The following LSAMP variants were observed in gnomAD, a reference collection of about 807,000 sequenced individuals.
The protein encoded by LSAMP is limbic system associated membrane protein, also known as limbic system-associated membrane protein.
In LSAMP, 7 loss-of-function variants were observed where a neutral mutation model predicts 38.6. That is an observed-to-expected ratio of 0.18 (90% CI 0.10 to 0.34). LSAMP has a LOEUF of 0.34. Ranked by LOEUF, LSAMP falls within the 10% of genes least tolerant of loss-of-function variation. The pLI, the probability that LSAMP is intolerant of heterozygous loss-of-function variation, is 1.00. For missense variants in LSAMP, 313 were observed against 420.0 expected (o/e 0.75, Z 2.23); for synonymous variants, 154 against 166.8 (o/e 0.92, Z 0.59).
chr3:116,055,962 CT>C (rs34884258), intron 2 of LSAMP, among the ~76,000 whole-genome samples: 19,157 of 151,162 alleles, frequency 0.13, 1,316 homozygotes, highest in Non-Finnish European at 0.15. Context: ...AGGATCCCTG[CT>C]TTTTTTTTCC....
At chr3:116,248,477 ATGTGTGTGTGTGTG>A (rs3028670) in intron 1 of LSAMP, among the ~76,000 whole-genome samples, 1,493 of 141,050 alleles carry the variant, frequency 0.011, 34 homozygotes, top group African/African-American at 0.024. Context: ...CCTGTCTCTA[ATGTGTGTGTGTGTG>A]TGTGTGTGTG....
chr3:116,210,357 G>C (rs983117342), intron 1 of LSAMP, among the ~76,000 whole-genome samples: 3 of 152,156 alleles, frequency 2.0e-5, no homozygotes, highest in African/African-American at 7.2e-5. Flanking sequence ...CTGCCAGTGC[G>C]GCTTGAATAA....
intron 3 of LSAMP, among the ~76,000 whole-genome samples, chr3:115,943,852 A>T (rs77659538): frequency 0.019 from 2,923 of 152,296 alleles, 94 homozygotes; most frequent in African/African-American, 0.066. Context: ...CAGTCCTCAA[A>T]CAAGCCTTTG....
At chr3:115,865,903 C>T (rs1339055714) in intron 3 of LSAMP, among the ~76,000 whole-genome samples, 1 of 152,154 alleles carries the variant, frequency 6.6e-6, no homozygotes, top group Non-Finnish European at 1.5e-5. Flanking sequence ...CTGAAGGAGA[C>T]AAGTTAAATT....
intron 3 of LSAMP, among the ~76,000 whole-genome samples, chr3:115,858,221 ATGTG>A (rs1559853848): frequency 6.6e-6 from 1 of 151,784 alleles, no homozygotes; most frequent in African/African-American, 2.4e-5. Flanking sequence ...TTACTGTTAA[ATGTG>A]TGTGAGCAGC....
intron 3 of LSAMP, among the ~76,000 whole-genome samples, chr3:115,926,935 G>T (rs995599875): frequency 6.6e-6 from 1 of 152,026 alleles, no homozygotes; most frequent in Non-Finnish European, 1.5e-5. Flanking sequence ...TACAATATAG[G>T]CTCCATAAGC....
intron 1 of LSAMP, among the ~76,000 whole-genome samples, chr3:116,340,067 A>T (rs2047972320): frequency 6.6e-6 from 1 of 152,102 alleles, no homozygotes; most frequent in African/African-American, 2.4e-5. Flanking sequence ...CATTGGGAAC[A>T]GAGCAAGGAT....
intron 3 of LSAMP, among the ~76,000 whole-genome samples, chr3:115,946,425 A>G (rs776290798): frequency 1.3e-5 from 2 of 152,300 alleles, no homozygotes; most frequent in East Asian, 1.9e-4. Flanking sequence ...GCAGATGTCA[A>G]TTTCCAAGAT....
Position 116,214,371 on chromosome 3 carries a change from C to T in LSAMP, c.156-127815G>A, listed in dbSNP as rs567922898. On this transcript the variant is annotated intron_variant, in intron 1 of 6. Transcript: ENST00000490035. ...AATTCTCCAGCCCAGAGTGAAAGTG[C>T]ATTGCTGACCTCTCTATGAGAAAAT... 4.6e-5 allele frequency among the ~76,000 whole-genome samples: 7 copies of T among 152,218 alleles called. No homozygotes were observed. The East Asian group carries it at 1.4e-3, about 29-fold the overall frequency.
At chr3:116,250,681 G>A (rs370489225) in intron 1 of LSAMP, among the ~76,000 whole-genome samples, 4 of 134,912 alleles carry the variant, frequency 3.0e-5, no homozygotes, top group African/African-American at 1.1e-4. Context: ...GGGCAAGATG[G>A]CAAAACCTTG....
At chr3:116,318,941 AT>A (rs2047670314) in intron 1 of LSAMP, among the ~76,000 whole-genome samples, 1 of 152,206 alleles carries the variant, frequency 6.6e-6, no homozygotes, top group Non-Finnish European at 1.5e-5. Flanking sequence ...AATGAAAAAA[AT>A]AAAAGAAGTG....
At chr3:116,214,499 C>CTTTTTTTTTTTTTTTTT (rs59630662) in intron 1 of LSAMP, among the ~76,000 whole-genome samples, 1 of 103,284 alleles carries the variant, frequency 9.7e-6, no homozygotes, top group Non-Finnish European at 1.9e-5. Context: ...AAAAATGGGT[C>CTTTTTTTTTTTTTTTTT]TTTTTTTTTT....
At chr3:116,094,411 T>G (rs915734564) in intron 1 of LSAMP, among the ~76,000 whole-genome samples, 2 of 152,226 alleles carry the variant, frequency 1.3e-5, no homozygotes, top group Admixed American at 6.5e-5. Flanking sequence ...TCATCTTCAT[T>G]CCCTTGACCC....
intron 3 of LSAMP, among the ~76,000 whole-genome samples, chr3:115,908,206 G>A (rs565576420): frequency 6.6e-6 from 1 of 152,092 alleles, no homozygotes; most frequent in East Asian, 1.9e-4. Context: ...GTGCTGAGAT[G>A]ATACTTAATT....
chr3:116,125,093 TG>T (rs1325370290), intron 1 of LSAMP, among the ~76,000 whole-genome samples: 1 of 152,122 alleles, frequency 6.6e-6, no homozygotes, highest in East Asian at 1.9e-4. Flanking sequence ...TTGCATGTGG[TG>T]CCCTAGCCCT....
At chr3:115,835,992 T>C (rs142862957) in intron 6 of LSAMP, among the ~76,000 whole-genome samples, 7 of 152,342 alleles carry the variant, frequency 4.6e-5, no homozygotes, top group Admixed American at 3.9e-4. Flanking sequence ...CACTGTTCCA[T>C]ATTATACTCT....
chr3:116,218,501 T>C (rs1277433971), intron 1 of LSAMP, among the ~76,000 whole-genome samples: 1 of 152,218 alleles, frequency 6.6e-6, no homozygotes, highest in Non-Finnish European at 1.5e-5. Context: ...TCAACAGTTT[T>C]AATATAGATT....
At chr3:116,329,460 G>A (rs1313530640) in intron 1 of LSAMP, among the ~76,000 whole-genome samples, 1 of 152,146 alleles carries the variant, frequency 6.6e-6, no homozygotes, top group Non-Finnish European at 1.5e-5. Context: ...ACTGAAAATT[G>A]TTGGCAGAGA....
At chr3:116,086,258 T>C in intron 2 of LSAMP, 66 bp downstream of exon 2, 2 of 1,201,150 alleles carry the variant, frequency 1.7e-6, no homozygotes, top group South Asian at 1.3e-5. Context: ...TGCAAATATT[T>C]TGTACATTAT....
Sources: allele counts gnomAD v4.1 joint callset (sites outside exome capture counted in the v4.1 genomes callset), GRCh38; gene constraint gnomAD v4.1.1; transcripts MANE v1.5; gene names NCBI Gene and HGNC (gene_info 2026-07-23, HGNC 2026-07-21).